Variants in WRNIP1 observed in about 807,000 individuals in gnomAD.
WRNIP1 encodes the protein WRN helicase interacting protein 1, also known as ATPase WRNIP1.
WRNIP1 carries 41 observed loss-of-function variants against 56.1 expected under a neutral mutation model. The observed-to-expected ratio is 0.73, with a 90% CI of 0.57 to 0.95. WRNIP1 has a LOEUF of 0.95. WRNIP1 is among the 40% of genes least tolerant of loss of function. The pLI, the probability that WRNIP1 is intolerant of heterozygous loss-of-function variation, is 0.00. For missense variants in WRNIP1, 1,170 were observed against 939.4 expected, an observed-to-expected ratio of 1.25 and a Z score of -3.21; for synonymous variants, 547 against 398.1, an observed-to-expected ratio of 1.37 and a Z score of -4.45.
At position 2,766,251 on chromosome 6, in the gene WRNIP1, C is replaced by G. The variant is rs544562879; in HGVS notation, c.629C>G (p.Pro210Arg). The change falls in exon 1 of 7, where the codon CCC (proline) becomes CGC (arginine). Residue 210 changes from proline to arginine, a missense_variant. Coordinates refer to ENST00000380773, the MANE Select transcript of WRNIP1 (RefSeq NM_020135.3). ...GCCAGTGGCGGGGGCCGCCCGCACC[C>G]CCGGGCGCTGGCTGCCGAGGAGATC... Reference protein sequence around the residue: ...FGASGGGRPHPRALAAEEIRQ... With the variant: ...FGASGGGRPHRRALAAEEIRQ... 2.0e-6 allele frequency: 3 copies of G among 1,520,696 alleles called. No homozygotes were observed. Among genetic ancestry groups the G allele is most frequent in the Admixed American group, 2.0e-5 (1 of 49,120 alleles). 94.2% of individuals were successfully genotyped at this position (1,520,696 alleles called of 1,614,324 possible). A position where few individuals can be genotyped will look rare whatever the true frequency, so the allele number is the denominator to read the frequency against.
chr6:2,766,018 C>A lies in WRNIP1; in HGVS notation c.396C>A (p.Ser132Arg). 1 of 1,336,430 alleles carries A rather than the reference C, an allele frequency of 7.5e-7. No individual in the cohort carries two copies. The highest frequency in any genetic ancestry group is 9.6e-7 in the Non-Finnish European group (1 of 1,043,786). The allele number at this position is 1,336,430 out of a possible 1,614,324, so 82.8% of individuals were successfully genotyped here. ...LIPDFPVARS[S>R]SPGRKGSGKR... ...CCGACTTCCCGGTGGCCCGCTCCAGCAGCCCCGGGAGGAAGGGGTCGGGGA... is the reference window on the plus strand; with the variant it reads ...CCGACTTCCCGGTGGCCCGCTCCAGAAGCCCCGGGAGGAAGGGGTCGGGGA... The change falls in exon 1 of 7, where the codon AGC (serine) becomes AGA (arginine). Residue 132 changes from serine (S) to arginine (R), a missense_variant. Coordinates refer to ENST00000380773, the MANE Select transcript of WRNIP1 (RefSeq NM_020135.3).
intron 5 of WRNIP1, 61 bp downstream of exon 5, chr6:2,783,622 G>C: frequency 2.9e-6 from 1 of 343,296 alleles, no homozygotes; most frequent in Non-Finnish European, 4.2e-6. Flanking sequence ...ATGGCTAACA[G>C]TTACATCGTG....
At chr6:2,782,617 T>TA (rs1765589172) in intron 4 of WRNIP1, among the ~76,000 whole-genome samples, 1 of 152,222 alleles carries the variant, frequency 6.6e-6, no homozygotes, top group African/African-American at 2.4e-5. Flanking sequence ...TCCTTGAACT[T>TA]ACCTAAGGGA....
At position 2,765,594 on chromosome 6, in the gene WRNIP1, G is replaced by T. The variant is rs749833887; in HGVS notation, c.-29G>T. The T allele has an allele frequency of 2.7e-6, 4 of 1,474,342 alleles. No individual in the cohort carries two copies. Among genetic ancestry groups the T allele is most frequent in the South Asian group, 1.3e-5 (1 of 79,258 alleles). The allele number at this position is 1,474,342 out of a possible 1,614,324, so 91.3% of individuals were successfully genotyped here. A position where few individuals can be genotyped will look rare whatever the true frequency, so the allele number is the denominator to read the frequency against. ...CGTGCGCACGGGTTGCTGCGGCCGCGCCGGGCGCCGGGGAGGGCGGCGGCC... is the reference window on the plus strand; with the variant it reads ...CGTGCGCACGGGTTGCTGCGGCCGCTCCGGGCGCCGGGGAGGGCGGCGGCC... On this transcript the variant is annotated 5_prime_UTR_variant, in exon 1 of 7. Coordinates refer to ENST00000380773, the MANE Select transcript of WRNIP1 (RefSeq NM_020135.3).
At chr6:2,783,653 T>TTTTTTTTTTTTTTGG in intron 5 of WRNIP1, 92 bp downstream of exon 5, 1 of 119,820 alleles carries the variant, frequency 8.3e-6, no homozygotes, top group African/African-American at 9.0e-5. Flanking sequence ...TTTTTTTTTT[T>TTTTTTTTTTTTTTGG]GCAGGGCGGG....
chr6:2,781,274 A>T (rs1561916124), intron 4 of WRNIP1, among the ~76,000 whole-genome samples: 1 of 152,204 alleles, frequency 6.6e-6, no homozygotes, highest in Non-Finnish European at 1.5e-5. Flanking sequence ...GGGGTGGTGG[A>T]GGCTGCCTAG....
rs868672688 is a variant in WRNIP1 at position 2,769,301 on chromosome 6, C to T, written c.1014+419C>T. Among the ~76,000 whole-genome samples the T allele has an allele frequency of 6.6e-5, 10 of 152,162 alleles. No individual in the cohort carries two copies. In the Middle Eastern group the frequency reaches 0.014, roughly 207 times the overall value. On this transcript the variant is annotated intron_variant, in intron 2 of 6. Coordinates refer to ENST00000380773, the MANE Select transcript of WRNIP1 (RefSeq NM_020135.3). ...TCGGTATTTTCTGTAACTCCAGGCT[C>T]TGTCTTCAAGGTGAATGTTGGAAGA...
chr6:2,775,833 CTTA>C (rs1217892801), intron 3 of WRNIP1, among the ~76,000 whole-genome samples: 3 of 152,302 alleles, frequency 2.0e-5, no homozygotes, highest in East Asian at 3.9e-4. Context: ...CCAATTTTCC[CTTA>C]TTATAAATAG....
Position 2,784,374 on chromosome 6 carries a change from T to C in WRNIP1, c.1693T>C (p.Cys565Arg), listed in dbSNP as rs541218767. Residue 565 changes from cysteine to arginine, a missense_variant, in exon 6 of 7, where the codon TGT (cysteine) becomes CGT (arginine). Coordinates refer to ENST00000380773, the MANE Select transcript of WRNIP1 (RefSeq NM_020135.3). Reference sequence around the variant, plus strand: ...ACAAGCGGTTGCTGCCTACCAAGGCTGTCATTTTATAGGCATGCCTGAATG... The same window carrying C: ...ACAAGCGGTTGCTGCCTACCAAGGCCGTCATTTTATAGGCATGCCTGAATG... ...LTQAVAAYQG[C>R]HFIGMPECEV... The C allele has an allele frequency of 1.9e-6, 3 of 1,614,156 alleles. No homozygotes were observed. The highest frequency in any genetic ancestry group is 2.5e-6 in the Non-Finnish European group (3 of 1,179,968).
chr6:2,783,576 A>AG lies in WRNIP1; in HGVS notation c.1642+18dup. ...CGAGGACATAGGTGAGTGTGATGGG[A>AG]GGGTCCCGGAGTCCTATGTCCATGA... is the stretch of plus-strand genomic sequence containing the variant. On this transcript the variant is annotated intron_variant, in intron 5 of 6. Transcript: ENST00000380773. The AG allele has an allele frequency of 3.0e-6, 4 of 1,348,596 alleles. No homozygotes were observed. The highest frequency in any genetic ancestry group is 3.9e-6 in the Non-Finnish European group (4 of 1,018,202). 83.5% of individuals were successfully genotyped at this position (1,348,596 alleles called of 1,614,324 possible).
chr6:2,782,288 A>G (rs1219860291), intron 4 of WRNIP1, among the ~76,000 whole-genome samples: 1 of 152,170 alleles, frequency 6.6e-6, no homozygotes, highest in East Asian at 1.9e-4. Flanking sequence ...TGCACAGGAG[A>G]CACTCAGTTT....
intron 3 of WRNIP1, among the ~76,000 whole-genome samples, chr6:2,775,952 T>C (rs1478906234): frequency 6.6e-6 from 1 of 152,248 alleles, no homozygotes; most frequent in African/African-American, 2.4e-5. Context: ...CTCTTTTTAT[T>C]GTATTCTACC....
chr6:2,768,584 C>A, intron 1 of WRNIP1, 107 bp from the exon 2 acceptor site: 1 of 891,720 alleles, frequency 1.1e-6, no homozygotes, highest in Non-Finnish European at 1.6e-6. Context: ...CTTCCGAGGT[C>A]AAGTTGCTTT....
chr6:2,772,599 C>T (rs1375892094), intron 3 of WRNIP1, among the ~76,000 whole-genome samples: 1 of 152,230 alleles, frequency 6.6e-6, no homozygotes, highest in Admixed American at 6.5e-5. Flanking sequence ...TTGCCCTTTT[C>T]ATCAGCAGCA....
rs192188358 is a variant in WRNIP1 at position 2,766,474 on chromosome 6, G to C, written c.822+30G>C. 696 of 1,476,296 alleles carry C rather than the reference G, an allele frequency of 4.7e-4. 3 individuals are homozygous for C. The highest frequency in any genetic ancestry group is 5.8e-4 in the Non-Finnish European group (636 of 1,100,272). The allele number at this position is 1,476,296 out of a possible 1,614,324, so 91.4% of individuals were successfully genotyped here. ...GTGCGGCCTTGGCCGTTGGGCTTCCGTAGTTATCTCGGCGGTGGATGCAGC... is the reference window on the plus strand; with the variant it reads ...GTGCGGCCTTGGCCGTTGGGCTTCCCTAGTTATCTCGGCGGTGGATGCAGC... On this transcript the variant is annotated intron_variant, in intron 1 of 6. Transcript: ENST00000380773.
chr6:2,777,170 A>C, intron 3 of WRNIP1, among the ~76,000 whole-genome samples: 1 of 152,150 alleles, frequency 6.6e-6, no homozygotes, highest in East Asian at 1.9e-4. Flanking sequence ...TGTTTTCTCT[A>C]TACTTTCCAT....
chr6:2,774,578 C>A (rs1765388349), intron 3 of WRNIP1, among the ~76,000 whole-genome samples: 1 of 152,082 alleles, frequency 6.6e-6, no homozygotes, highest in Non-Finnish European at 1.5e-5. Flanking sequence ...ATCTTGAGAC[C>A]CTTAGTTACA....
intron 3 of WRNIP1, among the ~76,000 whole-genome samples, chr6:2,771,043 T>G (rs930190102): frequency 4.6e-5 from 7 of 152,200 alleles, no homozygotes; most frequent in East Asian, 1.9e-4. Flanking sequence ...GTTTTCCTTT[T>G]TTTTAATATT....
chr6:2,775,736 T>C (rs1338098488), intron 3 of WRNIP1, among the ~76,000 whole-genome samples: 1 of 152,264 alleles, frequency 6.6e-6, no homozygotes, highest in Non-Finnish European at 1.5e-5. Flanking sequence ...TTCTCATCAG[T>C]TGGAGAAGCC....
Sources: allele counts gnomAD v4.1 joint callset (sites outside exome capture counted in the v4.1 genomes callset), GRCh38; gene constraint gnomAD v4.1.1; transcripts MANE v1.5; gene names NCBI Gene and HGNC (gene_info 2026-07-23, HGNC 2026-07-21).